The following CENPP variants were observed in gnomAD, a reference collection of about 807,000 sequenced individuals.
The protein encoded by CENPP is centromere protein P.
Under a neutral mutation model 35.6 loss-of-function variants are expected in CENPP, and 24 were observed. The observed-to-expected ratio is 0.67, with a 90% confidence interval of 0.49 to 0.95. The LOEUF (loss-of-function observed/expected upper bound fraction) is 0.95, where lower values mean the gene tolerates loss of function less well. CENPP is among the 40% of genes least tolerant of loss of function. The pLI is 0.00. For missense variants in CENPP, 332 were observed against 345.3 expected (o/e 0.96, Z 0.31); for synonymous variants, 120 against 125.5 (o/e 0.96, Z 0.29).
intron 5 of CENPP, among the ~76,000 whole-genome samples, chr9:92,439,149 T>C (rs1264448304): frequency 1.3e-5 from 2 of 152,188 alleles, no homozygotes. Flanking sequence ...CCCAAGTATT[T>C]TTATTAGATC....
At chr9:92,330,823 G>C (rs769252342) in intron 1 of CENPP, among the ~76,000 whole-genome samples, 1 of 151,518 alleles carries the variant, frequency 6.6e-6, no homozygotes, top group South Asian at 2.1e-4. Context: ...TGGGTAGCCA[G>C]GATTACAGGC....
chr9:92,482,983 C>T (rs1216577079), intron 5 of CENPP, among the ~76,000 whole-genome samples: 2 of 151,886 alleles, frequency 1.3e-5, no homozygotes, highest in Non-Finnish European at 2.9e-5. Flanking sequence ...CCATGAACTG[C>T]TCCCTGGACT....
intron 5 of CENPP, among the ~76,000 whole-genome samples, chr9:92,515,952 T>G (rs1239923696): frequency 6.6e-6 from 1 of 152,184 alleles, no homozygotes; most frequent in Non-Finnish European, 1.5e-5. Flanking sequence ...AATCTACATT[T>G]ATATTTAGCT....
rs1207692640 is a variant in CENPP at position 92,415,321 on chromosome 9, C to T, written c.564+35462C>T. 1.1e-5 allele frequency: 18 copies of T among 1,613,448 alleles called. No individual in the cohort carries two copies. Among genetic ancestry groups the T allele is most frequent in the Non-Finnish European group, 1.3e-5 (15 of 1,179,776 alleles). Reference sequence around the variant, plus strand: ...TTGTATTGTTTGACCATTAGTGCTTCGTTGTTCACCATAATAAATAGTGTG... The same window carrying T: ...TTGTATTGTTTGACCATTAGTGCTTTGTTGTTCACCATAATAAATAGTGTG... On this transcript the variant is annotated intron_variant, in intron 5 of 7. Coordinates refer to ENST00000375587, the MANE Select transcript of CENPP (RefSeq NM_001012267.3).
chr9:92,568,242 C>T (rs112026666), intron 5 of CENPP, among the ~76,000 whole-genome samples: 1 of 152,080 alleles, frequency 6.6e-6, no homozygotes, highest in Non-Finnish European at 1.5e-5. Context: ...CCCTTCCCCC[C>T]ACCGCACAAC....
In CENPP at chr9:92,379,237, G is replaced by C. The variant is rs999180879; in HGVS notation, c.468-526G>C. 2.6e-5 allele frequency among the ~76,000 whole-genome samples: 4 copies of C among 152,192 alleles called. No individual in the cohort carries two copies. In the East Asian group the frequency reaches 7.7e-4, roughly 29 times the overall value. ...CACATTATCCTCCCAGTACATCAGT[G>C]TATTCATCAACCAGGAAGTTCTGCT... On this transcript the variant is annotated intron_variant, in intron 4 of 7. Transcript: ENST00000375587.
intron 5 of CENPP, among the ~76,000 whole-genome samples, chr9:92,455,842 C>T (rs1233301013): frequency 3.9e-5 from 6 of 152,118 alleles, no homozygotes; most frequent in East Asian, 1.9e-4. Flanking sequence ...GAGGCAGAGG[C>T]GGGCAGATCA....
rs377752974 is a variant in CENPP at position 92,548,291 on chromosome 9, AAAG to A, written c.565-63018_565-63016del. ...TCTCTGCTCAATGGAGCTCTACTTC[AAAG>A]AAGATCAGACAGTAAATTAATGTGA... On this transcript the variant is annotated intron_variant, in intron 5 of 7. Transcript: ENST00000375587. 5.7e-4 allele frequency among the ~76,000 whole-genome samples: 87 copies of A among 152,322 alleles called. 1 individual carries two copies. The highest frequency in any genetic ancestry group is 1.8e-3 in the African/African-American group (73 of 41,566).
chr9:92,434,778 C>T (rs995597606), intron 5 of CENPP, among the ~76,000 whole-genome samples: 1 of 152,164 alleles, frequency 6.6e-6, no homozygotes, highest in Non-Finnish European at 1.5e-5. Context: ...TGGGGTGGCT[C>T]ACACCTGTAA....
intron 5 of CENPP, among the ~76,000 whole-genome samples, chr9:92,493,204 A>G (rs1183829512): frequency 6.6e-6 from 1 of 152,174 alleles, no homozygotes; most frequent in Non-Finnish European, 1.5e-5. Context: ...GATGAGAGCA[A>G]AGCTGCTTTG....
chr9:92,411,687 T>C (rs1843448342), intron 5 of CENPP, among the ~76,000 whole-genome samples: 1 of 152,224 alleles, frequency 6.6e-6, no homozygotes, highest in Non-Finnish European at 1.5e-5. Context: ...TAGGAGGAGA[T>C]ACAAATTGAA....
At position 92,611,176 on chromosome 9, in the gene CENPP, C is replaced by T. The variant is rs919063585; in HGVS notation, c.565-138C>T. ...TGTGTGACAGCAAGGGCAAGAGGGG[C>T]GGTTGGCACCCATGGATGCTGCGCA... On this transcript the variant is annotated intron_variant, in intron 5 of 7. Transcript: ENST00000375587. 358 of 690,050 alleles carry T rather than the reference C, an allele frequency of 5.2e-4. 2 individuals are homozygous for T. The highest frequency in any genetic ancestry group is 1.9e-4 in the Non-Finnish European group (73 of 383,008). The allele number at this position is 690,050 out of a possible 1,614,324, so 42.7% of individuals were successfully genotyped here.
intron 5 of CENPP, among the ~76,000 whole-genome samples, chr9:92,588,815 C>A (rs1270850370): frequency 2.0e-5 from 3 of 151,998 alleles, no homozygotes; most frequent in Non-Finnish European, 4.4e-5. Flanking sequence ...GAAGAAGCTC[C>A]AATATTGGGC....
intron 5 of CENPP, among the ~76,000 whole-genome samples, chr9:92,556,866 T>C (rs1461789209): frequency 6.6e-6 from 1 of 152,186 alleles, no homozygotes; most frequent in Admixed American, 6.5e-5. Flanking sequence ...CCTGTGTACT[T>C]TGTGGGTTTT....
chr9:92,472,425 C>T lies in CENPP; in HGVS notation c.564+92566C>T, dbSNP rs542440734. On this transcript the variant is annotated intron_variant, in intron 5 of 7. Transcript: ENST00000375587. ...CTATAATCCCAGCACTTTCGGAGGC[C>T]GAGTCGGGTGGATCATGAGGTCAGG... Among the ~76,000 whole-genome samples, 8 of 151,342 alleles carry T rather than the reference C, an allele frequency of 5.3e-5. No homozygotes were observed. In the East Asian group the frequency reaches 1.6e-3, roughly 30 times the overall value.
intron 5 of CENPP, among the ~76,000 whole-genome samples, chr9:92,582,645 C>T (rs1446065942): frequency 6.6e-6 from 1 of 151,138 alleles, no homozygotes; most frequent in Non-Finnish European, 1.5e-5. Flanking sequence ...AAAAAAGACA[C>T]CCAACCCCAT....
At chr9:92,604,087 G>C (rs534073358) in intron 5 of CENPP, among the ~76,000 whole-genome samples, 25 of 152,320 alleles carry the variant, frequency 1.6e-4, no homozygotes, top group South Asian at 4.1e-4. Flanking sequence ...ATGTAGGAGA[G>C]GGATTGCTGG....
intron 5 of CENPP, among the ~76,000 whole-genome samples, chr9:92,391,753 C>T (rs1346099716): frequency 6.6e-6 from 1 of 152,206 alleles, no homozygotes; most frequent in African/African-American, 2.4e-5. Flanking sequence ...TTACCTTGTT[C>T]AACCTCAGAT....
At chr9:92,522,110 G>C (rs945001020) in intron 5 of CENPP, among the ~76,000 whole-genome samples, 3 of 151,938 alleles carry the variant, frequency 2.0e-5, no homozygotes, top group Non-Finnish European at 4.4e-5. Context: ...ATCTCGAGAC[G>C]GAGTCTTGCT....
Sources: gnomAD v4.1 joint callset for allele counts (sites outside exome capture counted in the v4.1 genomes callset) on GRCh38, gnomAD v4.1.1 for gene constraint, MANE v1.5 for transcripts, NCBI Gene and HGNC (gene_info 2026-07-23, HGNC 2026-07-21) for gene names.